The following CDCA7L variants were observed in gnomAD, a reference collection of about 807,000 sequenced individuals.
CDCA7L encodes cell division cycle-associated 7-like protein.
A neutral mutation model predicts 57.4 loss-of-function variants in CDCA7L; 44 were observed. The ratio of observed to expected loss-of-function variants is 0.77; its 90% CI spans 0.60 to 0.98. The LOEUF is 0.98. CDCA7L is among the 50% of genes least tolerant of loss of function. The pLI is 0.00. For missense variants in CDCA7L, 644 were observed against 580.6 expected (o/e 1.11, Z -1.12); for synonymous variants, 236 against 202.8 (o/e 1.16, Z -1.39).
Position 21,902,755 on chromosome 7 carries a change from A to C in CDCA7L, c.1334+223T>G, listed in dbSNP as rs1361594325. 7 of 526,568 alleles carry C rather than the reference A, an allele frequency of 1.3e-5. No homozygotes were observed. In the East Asian group the frequency reaches 2.2e-4, roughly 17 times the overall value. 32.6% of individuals were successfully genotyped at this position (526,568 alleles called of 1,614,324 possible). On this transcript the variant is annotated intron_variant, in intron 9 of 9. Transcript: ENST00000406877. ...CAAGGAGAAATTTTGGTTAAAGGCA[A>C]CGTGGAGTTGAGTTGAAAAATCTAG...
intron 3 of CDCA7L, among the ~76,000 whole-genome samples, chr7:21,911,316 C>T (rs1785319184): frequency 1.3e-5 from 2 of 151,786 alleles, no homozygotes; most frequent in South Asian, 2.1e-4. Context: ...TATGAGCCAC[C>T]GTGCCTGGCC....
intron 2 of CDCA7L, 89 bp from the exon 3 acceptor site, chr7:21,911,843 A>G: frequency 7.9e-7 from 1 of 1,267,538 alleles, no homozygotes. Context: ...GAACGGGTAC[A>G]GAGCTTCTGA....
In CDCA7L at chr7:21,911,733, T is replaced by C; in HGVS notation, c.187A>G (p.Lys63Glu). ...GKQQDVRFHS[K>E]YFTEELRRIF... Reference sequence around the variant, plus strand: ...CTTCTTAGCTCTTCTGTGAAGTATTTGGAATGAAAGCGCACATCCTGCTAA... The same window carrying C: ...CTTCTTAGCTCTTCTGTGAAGTATTCGGAATGAAAGCGCACATCCTGCTAA... Residue 63 changes from lysine to glutamate, a missense_variant, in exon 3 of 10, where the codon AAA becomes GAA. Transcript: ENST00000406877. 2.5e-6 allele frequency: 4 copies of C among 1,613,180 alleles called. No individual in the cohort carries two copies. The highest frequency in any genetic ancestry group is 1.7e-6 in the Non-Finnish European group (2 of 1,179,808).
rs1562615516 is a variant in CDCA7L at position 21,901,474 on chromosome 7, T to C, written c.*848A>G. 3.9e-6 allele frequency: 2 copies of C among 511,394 alleles called. No homozygotes were observed. The highest frequency in any genetic ancestry group is 5.8e-6 in the Non-Finnish European group (2 of 343,070). 31.7% of individuals were successfully genotyped at this position (511,394 alleles called of 1,614,324 possible). ...ACTGTAATCCCAGTTACTCAGGAGG[T>C]AGGAGAATCACTTGAACCTAGGAGG... is the stretch of plus-strand genomic sequence containing the variant. On this transcript the variant is annotated 3_prime_UTR_variant, in exon 10 of 10. Coordinates refer to ENST00000406877, the MANE Select transcript of CDCA7L (RefSeq NM_018719.5).
At chr7:21,912,293 CA>C (rs1454240063) in intron 2 of CDCA7L, among the ~76,000 whole-genome samples, 2 of 152,000 alleles carry the variant, frequency 1.3e-5, no homozygotes, top group Non-Finnish European at 2.9e-5. Flanking sequence ...GACCCTCTCT[CA>C]AAAAAACCCG....
chr7:21,906,186 C>T, intron 6 of CDCA7L, 103 bp downstream of exon 6: 1 of 1,137,120 alleles, frequency 8.8e-7, no homozygotes, highest in Non-Finnish European at 1.2e-6. Context: ...CTGCCGCAGA[C>T]CCACGGGGTC....
intron 1 of CDCA7L, among the ~76,000 whole-genome samples, chr7:21,931,373 T>G (rs1412058573): frequency 6.6e-6 from 1 of 152,036 alleles, no homozygotes; most frequent in Non-Finnish European, 1.5e-5. Context: ...ATTTTCACAT[T>G]GGCAATAAAA....
At chr7:21,924,269 T>A (rs549696419) in intron 1 of CDCA7L, among the ~76,000 whole-genome samples, 1 of 152,316 alleles carries the variant, frequency 6.6e-6, no homozygotes, top group African/African-American at 2.4e-5. Context: ...GATTCTGATA[T>A]ACTCCAAGAA....
intron 9 of CDCA7L, 140 bp downstream of exon 9, chr7:21,902,838 C>G (rs1424185854): frequency 4.2e-6 from 3 of 718,498 alleles, no homozygotes; most frequent in Non-Finnish European, 6.9e-6. Flanking sequence ...CCAATGCAAA[C>G]AGATACAGAA....
rs560277484 is a variant in CDCA7L, at chr7:21,916,607, G to A, written c.165+147C>T. The A allele has an allele frequency of 8.6e-6, 6 of 699,260 alleles. No homozygotes were observed. In the East Asian group the frequency reaches 1.6e-4, roughly 19 times the overall value. The allele number at this position is 699,260 out of a possible 1,614,324, so 43.3% of individuals were successfully genotyped here. ...GTTCTCTCACCAGTTTTTTAAAACA[G>A]GAAGACACAGACATAATGTTTCTAA... On this transcript the variant is annotated intron_variant, in intron 2 of 9. Coordinates refer to ENST00000406877, the MANE Select transcript of CDCA7L (RefSeq NM_018719.5).
At position 21,945,867 on chromosome 7, in the gene CDCA7L, G is replaced by T. The variant is rs1446918575; in HGVS notation, c.-63C>A. ...GCCACGGGAGCCCGGACTCACCACGGCCCGGCGCACCAAGAACGCCCCGCG... is the reference window on the plus strand; with the variant it reads ...GCCACGGGAGCCCGGACTCACCACGTCCCGGCGCACCAAGAACGCCCCGCG... On this transcript the variant is annotated 5_prime_UTR_variant, in exon 1 of 10. Coordinates refer to ENST00000406877, the MANE Select transcript of CDCA7L (RefSeq NM_018719.5). The T allele has an allele frequency of 5.2e-6, 8 of 1,536,980 alleles. No homozygotes were observed. In the Admixed American group the frequency reaches 6.1e-5, roughly 12 times the overall value.
intron 2 of CDCA7L, among the ~76,000 whole-genome samples, chr7:21,914,113 C>T (rs1335804448): frequency 2.0e-5 from 3 of 152,188 alleles, no homozygotes; most frequent in Non-Finnish European, 4.4e-5. Context: ...GGTGGATAAA[C>T]TTATTTTGAA....
At chr7:21,939,216 G>A (rs571674581) in intron 1 of CDCA7L, among the ~76,000 whole-genome samples, 40 of 152,254 alleles carry the variant, frequency 2.6e-4, no homozygotes, top group Middle Eastern at 3.4e-3. Flanking sequence ...AGGGGTAATT[G>A]TTTAGTAGGT....
intron 7 of CDCA7L, among the ~76,000 whole-genome samples, chr7:21,904,518 A>G (rs1386109669): frequency 6.6e-6 from 1 of 152,170 alleles, no homozygotes; most frequent in Non-Finnish European, 1.5e-5. Flanking sequence ...TTACCGCCTG[A>G]GCTCTGCCTC....
intron 1 of CDCA7L, among the ~76,000 whole-genome samples, chr7:21,918,255 G>C (rs988077892): frequency 6.6e-6 from 1 of 152,146 alleles, no homozygotes; most frequent in South Asian, 2.1e-4. Context: ...ATATTGTAAT[G>C]AGCACACATT....
At position 21,901,344 on chromosome 7, in the gene CDCA7L, CT is replaced by C. The variant is rs1784831532; in HGVS notation, c.*977del. The C allele has an allele frequency of 1.2e-5, 17 of 1,384,646 alleles. 1 individual carries two copies. The South Asian group carries it at 3.4e-4, about 27-fold the overall frequency. The allele number at this position is 1,384,646 out of a possible 1,614,324, so 85.8% of individuals were successfully genotyped here. ...ACTGTTCCCATGCACATTATTCTAA[CT>C]TTTTAGTAACTCACACGTGCATTCT... On this transcript the variant is annotated 3_prime_UTR_variant, in exon 10 of 10. Transcript: ENST00000406877.
Position 21,908,547 on chromosome 7 carries a change from T to C in CDCA7L, c.304-40A>G, listed in dbSNP as rs1417275438. On this transcript the variant is annotated intron_variant, in intron 3 of 9. Coordinates refer to ENST00000406877, the MANE Select transcript of CDCA7L (RefSeq NM_018719.5). The stretch of plus-strand genomic sequence containing the variant: ...GCAAGAAAAAGCACAAAGACACTGT[T>C]ACAGACCCACAAAAAAGACATGCAT... 6.3e-6 allele frequency: 9 copies of C among 1,426,242 alleles called. No homozygotes were observed. The African/African-American group carries it at 7.2e-5, about 11-fold the overall frequency. 88.3% of individuals were successfully genotyped at this position (1,426,242 alleles called of 1,614,324 possible).
At chr7:21,943,699 T>A (rs1458800301) in intron 1 of CDCA7L, among the ~76,000 whole-genome samples, 3 of 152,108 alleles carry the variant, frequency 2.0e-5, no homozygotes, top group Non-Finnish European at 4.4e-5. Flanking sequence ...ACATCTTTGA[T>A]TTGCACTGCC....
rs778002499 is a variant in CDCA7L at position 21,906,386 on chromosome 7, G to A, written c.824C>T (p.Ala275Val). The change falls in exon 6 of 10, where the codon GCG (alanine) becomes GTG (valine). Residue 275 changes from alanine (A) to valine (V), a missense_variant. Coordinates refer to ENST00000406877, the MANE Select transcript of CDCA7L (RefSeq NM_018719.5). ...ITRRMNPTRS[A>V]RPPEKFALEN... Reference sequence around the variant, plus strand: ...TAGAGCAAACTTCTCAGGAGGCCGCGCACTCCGGGTTGGGTTCATACGCCG... The same window carrying A: ...TAGAGCAAACTTCTCAGGAGGCCGCACACTCCGGGTTGGGTTCATACGCCG... The A allele has an allele frequency of 2.5e-6, 4 of 1,613,810 alleles. No homozygotes were observed. Among genetic ancestry groups the A allele is most frequent in the South Asian group, 2.2e-5 (2 of 91,054 alleles).
Sources: gnomAD v4.1 joint callset for allele counts (sites outside exome capture counted in the v4.1 genomes callset) on GRCh38, gnomAD v4.1.1 for gene constraint, MANE v1.5 for transcripts, NCBI Gene and HGNC (gene_info 2026-07-23, HGNC 2026-07-21) for gene names.